Variants in CDH4 observed in about 807,000 individuals in gnomAD.
CDH4 encodes the protein cadherin 4.
CDH4 carries 33 observed loss-of-function variants against 86.0 expected under a neutral mutation model. The ratio of observed to expected loss-of-function variants is 0.38; its 90% confidence interval spans 0.29 to 0.51. The LOEUF is 0.51. CDH4 is among the 20% of genes least tolerant of loss of function. The pLI is 0.86. For synonymous variants in CDH4, 555 were observed against 549.4 expected (o/e 1.01, Z -0.14); for missense variants, 1,114 against 1,307.4 (o/e 0.85, Z 2.28).
intron 2 of CDH4, among the ~76,000 whole-genome samples, chr20:61,630,179 C>T (rs2086872457): frequency 6.6e-6 from 1 of 152,222 alleles, no homozygotes; most frequent in Admixed American, 6.5e-5. Flanking sequence ...CATCCCCAGC[C>T]AGCCCAGTCA....
chr20:61,883,676 G>A (rs1402974175), intron 7 of CDH4, among the ~76,000 whole-genome samples: 1 of 152,200 alleles, frequency 6.6e-6, no homozygotes, highest in Non-Finnish European at 1.5e-5. Flanking sequence ...CCGGCCCCTG[G>A]AGAGGGAAGT....
intron 2 of CDH4, among the ~76,000 whole-genome samples, chr20:61,642,717 T>C (rs2087023577): frequency 6.6e-6 from 1 of 152,166 alleles, no homozygotes; most frequent in African/African-American, 2.4e-5. Context: ...AGGGCTATAA[T>C]CCAGGTGTCT....
intron 3 of CDH4, among the ~76,000 whole-genome samples, chr20:61,747,184 G>A (rs1431667494): frequency 1.3e-5 from 2 of 152,200 alleles, no homozygotes; most frequent in Admixed American, 6.5e-5. Flanking sequence ...GCTCACGCCT[G>A]TAATCTGAGC....
intron 2 of CDH4, among the ~76,000 whole-genome samples, chr20:61,386,182 G>C (rs1305385324): frequency 6.6e-6 from 1 of 152,196 alleles, no homozygotes; most frequent in Non-Finnish European, 1.5e-5. Flanking sequence ...TACCACTGCT[G>C]TTCGTTGTTG....
rs184326901 is a variant in CDH4, at chr20:61,466,330, G to A, written c.169+211393G>A. Among the ~76,000 whole-genome samples, 34 of 152,326 alleles carry A rather than the reference G, an allele frequency of 2.2e-4. No homozygotes were observed. The East Asian group carries it at 6.6e-3, about 29-fold the overall frequency. Reference sequence around the variant, plus strand: ...CACCAAGATAGGCGGCTTTGCTGCAGTCCTGTTAGAGAATGTTTTCTCTTA... The same window carrying A: ...CACCAAGATAGGCGGCTTTGCTGCAATCCTGTTAGAGAATGTTTTCTCTTA... On this transcript the variant is annotated intron_variant, in intron 2 of 15. Coordinates refer to ENST00000614565, the MANE Select transcript of CDH4 (RefSeq NM_001794.5).
chr20:61,661,966 G>A (rs73306669), intron 2 of CDH4, among the ~76,000 whole-genome samples: 31,537 of 152,104 alleles, frequency 0.21, 4,305 homozygotes, highest in Non-Finnish European at 0.3. Flanking sequence ...GCAACTCCCT[G>A]TGAACCTCAA....
At chr20:61,933,160 G>A in intron 14 of CDH4, 36 bp downstream of exon 14, 5 of 1,604,530 alleles carry the variant, frequency 3.1e-6, no homozygotes, top group Non-Finnish European at 4.3e-6. Context: ...CCCCACGCGA[G>A]GCCGGCTCTC....
intron 2 of CDH4, among the ~76,000 whole-genome samples, chr20:61,491,950 TTGG>T (rs2085628145): frequency 6.6e-6 from 1 of 152,008 alleles, no homozygotes; most frequent in African/African-American, 2.4e-5. Context: ...GGTGCTGATG[TTGG>T]TGGTGCTGAT....
At chr20:61,705,561 G>T (rs777362703) in intron 2 of CDH4, among the ~76,000 whole-genome samples, 2 of 152,218 alleles carry the variant, frequency 1.3e-5, no homozygotes, top group East Asian at 1.9e-4. Context: ...CAGCTGGTCC[G>T]TTCCTGCCAC....
chr20:61,835,891 C>G (rs1285514851), intron 4 of CDH4, among the ~76,000 whole-genome samples: 1 of 152,196 alleles, frequency 6.6e-6, no homozygotes, highest in Non-Finnish European at 1.5e-5. Context: ...CCAGACAGCA[C>G]CAGGTCAGGC....
At chr20:61,286,592 T>C (rs117115853) in intron 2 of CDH4, among the ~76,000 whole-genome samples, 551 of 152,368 alleles carry the variant, frequency 3.6e-3, no homozygotes, top group Admixed American at 6.2e-3. Context: ...TCGGCAGCTT[T>C]GTGCAAGTAA....
chr20:61,318,413 G>A (rs558864893), intron 2 of CDH4, among the ~76,000 whole-genome samples: 19 of 152,274 alleles, frequency 1.2e-4, no homozygotes, highest in Admixed American at 5.9e-4. Context: ...AAACCTAAGC[G>A]TGTGACAATG....
chr20:61,381,918 T>C (rs1400681561), intron 2 of CDH4, among the ~76,000 whole-genome samples: 1 of 132,042 alleles, frequency 7.6e-6, no homozygotes, highest in Non-Finnish European at 1.6e-5. Context: ...CTACTAAAAA[T>C]ACAAAAGATT....
At chr20:61,838,366 C>G (rs554978156) in intron 4 of CDH4, among the ~76,000 whole-genome samples, 2 of 152,004 alleles carry the variant, frequency 1.3e-5, no homozygotes, top group South Asian at 2.1e-4. Context: ...GGGGAACAGA[C>G]AGAAACCCTG....
chr20:61,422,459 A>AAAAAAAAAAAAAAC (rs2085185017), intron 2 of CDH4, among the ~76,000 whole-genome samples: 1 of 54,850 alleles, frequency 1.8e-5, no homozygotes, highest in Non-Finnish European at 3.4e-5. Flanking sequence ...AAAAAAAAAA[A>AAAAAAAAAAAAAAC]AAAAAAAACC....
Position 61,623,590 on chromosome 20 carries a change from G to A in CDH4, c.170-119973G>A, listed in dbSNP as rs1021907901. Among the ~76,000 whole-genome samples the A allele has an allele frequency of 2.6e-5, 4 of 152,158 alleles. No individual in the cohort carries two copies. Among genetic ancestry groups the A allele is most frequent in the African/African-American group, 9.7e-5 (4 of 41,444 alleles). ...ATCAAGAGCTAGACCCAGCGGCCGT[G>A]TTGTCTTTCCTCTACATGAGCATCA... On this transcript the variant is annotated intron_variant, in intron 2 of 15. Transcript: ENST00000614565. This position sits in a 1 kb window ranked among gnomAD's most constrained non-coding sequence, Gnocchi z 4.4.
chr20:61,435,207 G>A (rs2085273932), intron 2 of CDH4, among the ~76,000 whole-genome samples: 1 of 152,324 alleles, frequency 6.6e-6, no homozygotes, highest in Non-Finnish European at 1.5e-5. Context: ...GACTGACTGC[G>A]CCATGCTGTC....
At chr20:61,369,636 C>A (rs1192451193) in intron 2 of CDH4, among the ~76,000 whole-genome samples, 2 of 151,304 alleles carry the variant, frequency 1.3e-5, no homozygotes, top group Non-Finnish European at 2.9e-5. Flanking sequence ...CAGTGGGGTT[C>A]TCAAAATCTA....
intron 2 of CDH4, among the ~76,000 whole-genome samples, chr20:61,403,746 C>T (rs752176024): frequency 6.6e-5 from 10 of 152,094 alleles, no homozygotes; most frequent in Admixed American, 3.9e-4. Context: ...TTCCTGATTT[C>T]GCACGGGACA....
Sources: gnomAD v4.1 joint callset for allele counts (sites outside exome capture counted in the v4.1 genomes callset) on GRCh38, gnomAD v4.1.1 for gene constraint, Gnocchi (gnomAD v3.1) non-coding constraint, MANE v1.5 for transcripts, NCBI Gene and HGNC (gene_info 2026-07-23, HGNC 2026-07-21) for gene names.